The following SFXN2 variants were observed in gnomAD, a reference collection of about 807,000 sequenced individuals.
SFXN2 encodes sideroflexin 2, also known as sideroflexin-2.
In SFXN2, 37 loss-of-function variants were observed where a neutral mutation model predicts 41.9. That is an observed-to-expected ratio of 0.88 (90% CI 0.68 to 1.16). The LOEUF (loss-of-function observed/expected upper bound fraction) is 1.16. Among genes scored for constraint, SFXN2 ranks in the 50% most tolerant of loss-of-function variants. SFXN2 has a pLI of 0.00. For missense variants in SFXN2, 386 were observed against 425.2 expected (o/e 0.91, Z 0.81); for synonymous variants, 150 against 156.7 (o/e 0.96, Z 0.32).
rs532527718 is a variant in SFXN2 at position 102,734,777 on chromosome 10, T to C, written c.822-1085T>C. On this transcript the variant is annotated intron_variant, in intron 10 of 11. Coordinates refer to ENST00000369893, the MANE Select transcript of SFXN2 (RefSeq NM_178858.6). The surrounding 1 kb of genome is among the most constrained non-coding windows in gnomAD (Gnocchi z 4.1). Reference sequence around the variant, plus strand: ...TGGCACAGCTAGTAAGTGGTAAAACTGGGATACCAACCCAGGTCTGTCAGA... The same window carrying C: ...TGGCACAGCTAGTAAGTGGTAAAACCGGGATACCAACCCAGGTCTGTCAGA... Among the ~76,000 whole-genome samples the C allele has an allele frequency of 1.1e-4, 17 of 152,272 alleles. No homozygotes were observed. In the South Asian group the frequency reaches 3.5e-3, roughly 32 times the overall value.
intron 5 of SFXN2, 78 bp from the exon 6 acceptor site, chr10:102,729,645 T>C: frequency 6.9e-7 from 1 of 1,453,210 alleles, no homozygotes; most frequent in Non-Finnish European, 9.5e-7. Flanking sequence ...TTCTTTTTTG[T>C]ATTCTAGTCG....
At chr10:102,732,093 G>A in intron 7 of SFXN2, 59 bp from the exon 8 acceptor site, 1 of 1,514,502 alleles carries the variant, frequency 6.6e-7, no homozygotes, top group South Asian at 1.2e-5. Flanking sequence ...CAGCCCCCTG[G>A]TGCAGCACAT....
intron 7 of SFXN2, 143 bp downstream of exon 7, chr10:102,731,926 T>A (rs1052614933): frequency 9.9e-6 from 8 of 807,612 alleles, no homozygotes; most frequent in Admixed American, 2.8e-5. Flanking sequence ...ATTTTCCCCA[T>A]GTTTCTCTGT....
At chr10:102,719,427 C>A (rs1287565383) in intron 1 of SFXN2, among the ~76,000 whole-genome samples, 1 of 151,670 alleles carries the variant, frequency 6.6e-6, no homozygotes, top group Non-Finnish European at 1.5e-5. Context: ...TGGGGTTTCA[C>A]CATCTTGGCC....
At chr10:102,731,009 AC>A (rs2064694458) in intron 6 of SFXN2, among the ~76,000 whole-genome samples, 1 of 151,942 alleles carries the variant, frequency 6.6e-6, no homozygotes, top group African/African-American at 2.4e-5. Flanking sequence ...AATGTTGTGA[AC>A]CCGGGAGGCG....
intron 11 of SFXN2, 79 bp from the exon 12 acceptor site, chr10:102,737,584 C>T: frequency 1.1e-6 from 1 of 901,648 alleles, no homozygotes; most frequent in Non-Finnish European, 1.8e-6. Flanking sequence ...AGGAGGGCTT[C>T]TTGGAGGTGA....
In SFXN2 at chr10:102,727,154, A is replaced by G. The variant is rs1478399044; in HGVS notation, c.329A>G (p.Tyr110Cys). 1.9e-6 allele frequency: 3 copies of G among 1,596,384 alleles called. No individual in the cohort carries two copies. The South Asian group carries it at 3.3e-5, about 18-fold the overall frequency. Residue 110 changes from tyrosine to cysteine, a missense_variant, in exon 3 of 12, where the codon TAC becomes TGC. Physicochemically the swap from Tyr to Cys is radical, Grantham distance 194. Coordinates refer to ENST00000369893, the MANE Select transcript of SFXN2 (RefSeq NM_178858.6). ...ATCACGGGCTTCATGCTCCAGTTCT[A>G]CAGGTGGGACCTGGGGGCAGGGCCG... is the stretch of plus-strand genomic sequence containing the variant. ...MIITGFMLQF[Y>C]RTMPAVIFWQ...
chr10:102,726,467 A>G, intron 1 of SFXN2, 145 bp from the exon 2 acceptor site: 1 of 746,186 alleles, frequency 1.3e-6, no homozygotes, highest in Non-Finnish European at 2.2e-6. Context: ...CAATCTGATG[A>G]CCATTCACTT....
intron 1 of SFXN2, among the ~76,000 whole-genome samples, chr10:102,720,291 CAAAAAAAAAAAAAA>C (rs56006729): frequency 2.0e-5 from 1 of 48,788 alleles, no homozygotes; most frequent in Non-Finnish European, 3.3e-5. Flanking sequence ...GACTCCCTCT[CAAAAAAAAAAAAAA>C]AAAAAAAAAA....
rs927207047 is a variant in SFXN2, at chr10:102,741,902, A to T, written c.*4140A>T. ...CGAGAGATTGGCAAAAATACGTGTC[A>T]CTTTTTATAGTACTTGGAAAAGCAG... On this transcript the variant is annotated 3_prime_UTR_variant, in exon 12 of 12. Transcript: ENST00000369893. 1.3e-5 allele frequency: 2 copies of T among 152,258 alleles called. No homozygotes were observed. The highest frequency in any genetic ancestry group is 2.9e-5 in the Non-Finnish European group (2 of 68,054). 9.4% of individuals were successfully genotyped at this position (152,258 alleles called of 1,614,324 possible). A position where few individuals can be genotyped will look rare whatever the true frequency, so the allele number is the denominator to read the frequency against.
At chr10:102,729,883 T>G in intron 6 of SFXN2, 75 bp downstream of exon 6, 2 of 1,544,850 alleles carry the variant, frequency 1.3e-6, no homozygotes, top group Non-Finnish European at 1.8e-6. Flanking sequence ...AAGCAGTGGG[T>G]GGCTTCTGGG....
chr10:102,725,558 A>C (rs1215624268), intron 1 of SFXN2, among the ~76,000 whole-genome samples: 5 of 152,050 alleles, frequency 3.3e-5, no homozygotes, highest in Non-Finnish European at 7.4e-5. Context: ...GTCAATTACC[A>C]TTCACTCCAG....
chr10:102,720,246 C>T (rs1215074370), intron 1 of SFXN2, among the ~76,000 whole-genome samples: 4 of 135,684 alleles, frequency 2.9e-5, no homozygotes, highest in African/African-American at 5.6e-5. Flanking sequence ...GAGCCGAGAT[C>T]GCACCACTGC....
In SFXN2 at chr10:102,727,126, A is replaced by T. The variant is rs138177060; in HGVS notation, c.301A>T (p.Ile101Phe). ...GTCTTTCCAGCTTCCTGGCGGCATGATCATCACGGGCTTCATGCTCCAGTT... is the reference window on the plus strand; with the variant it reads ...GTCTTTCCAGCTTCCTGGCGGCATGTTCATCACGGGCTTCATGCTCCAGTT... ...RMSFQLPGGMIITGFMLQFYR... is the reference protein window; with the variant it reads ...RMSFQLPGGMFITGFMLQFYR... Residue 101 changes from isoleucine (I) to phenylalanine (F), a missense_variant, in exon 3 of 12, where the codon ATC becomes TTC. By Grantham distance (21) the Ile-to-Phe change is conservative (BLOSUM62 0). Transcript: ENST00000369893. The T allele has an allele frequency of 1.9e-6, 3 of 1,606,416 alleles. No individual in the cohort carries two copies. The African/African-American group carries it at 4.0e-5, about 21-fold the overall frequency.
At chr10:102,715,621 A>C (rs886806824) in intron 1 of SFXN2, among the ~76,000 whole-genome samples, 11 of 152,184 alleles carry the variant, frequency 7.2e-5, no homozygotes, top group African/African-American at 2.2e-4. Context: ...AATACATTTC[A>C]TACCAAATTT....
At chr10:102,724,720 A>G (rs1386769078) in intron 1 of SFXN2, among the ~76,000 whole-genome samples, 2 of 151,908 alleles carry the variant, frequency 1.3e-5, no homozygotes, top group Non-Finnish European at 2.9e-5. Flanking sequence ...AAGATTTTCC[A>G]TCACTGCTTA....
In SFXN2 at chr10:102,735,796, G is replaced by A. The variant is rs1278104230; in HGVS notation, c.822-66G>A. 3.2e-6 allele frequency: 5 copies of A among 1,552,406 alleles called. No homozygotes were observed. In the South Asian group the frequency reaches 5.6e-5, roughly 17 times the overall value. ...GCCTGGGCATTGCTCCTTTCCCTTG[G>A]GGATGGGGGATGGACGGGCCTGTGG... On this transcript the variant is annotated intron_variant, in intron 10 of 11. Coordinates refer to ENST00000369893, the MANE Select transcript of SFXN2 (RefSeq NM_178858.6).
At chr10:102,729,177 G>C in intron 4 of SFXN2, 142 bp from the exon 5 acceptor site, 1 of 703,484 alleles carries the variant, frequency 1.4e-6, no homozygotes, top group Non-Finnish European at 2.4e-6. Context: ...GTGAGGGGGA[G>C]AGGGTCACAA....
chr10:102,724,912 C>T (rs1262236846), intron 1 of SFXN2: 2 of 85,778 alleles, frequency 2.3e-5, no homozygotes, highest in African/African-American at 3.6e-5. Context: ...CTTCAAACTG[C>T]GTTTTTTTTT....
Sources: gnomAD v4.1 joint callset for allele counts (sites outside exome capture counted in the v4.1 genomes callset) on GRCh38, gnomAD v4.1.1 for gene constraint, Gnocchi (gnomAD v3.1) non-coding constraint, MANE v1.5 for transcripts, NCBI Gene and HGNC (gene_info 2026-07-23, HGNC 2026-07-21) for gene names.